Variants in IKZF1 observed in about 807,000 individuals in gnomAD.
IKZF1 encodes the protein DNA-binding protein Ikaros.
In IKZF1, 10 loss-of-function variants were observed where a neutral mutation model predicts 51.7. The observed-to-expected ratio is 0.19, with a 90% confidence interval of 0.12 to 0.33. The LOEUF (loss-of-function observed/expected upper bound fraction) is 0.33. Ranked by LOEUF, IKZF1 falls within the 10% of genes least tolerant of loss-of-function variation. The probability of loss-of-function intolerance (pLI) is 1.00; values close to 1 mark genes in which losing one functional copy is unlikely to be tolerated. For missense variants in IKZF1, 484 were observed against 707.5 expected, an observed-to-expected ratio of 0.68 and a Z score of 3.58; for synonymous variants, 280 against 282.3, an observed-to-expected ratio of 0.99 and a Z score of 0.08.
intron 3 of IKZF1, among the ~76,000 whole-genome samples, chr7:50,370,792 C>A (rs1472722561): frequency 6.6e-6 from 1 of 152,212 alleles, no homozygotes; most frequent in Non-Finnish European, 1.5e-5. Context: ...TATATTTAAT[C>A]AGTTCAATTC....
chr7:50,389,340 C>T (rs1198059404), intron 6 of IKZF1, among the ~76,000 whole-genome samples: 1 of 152,216 alleles, frequency 6.6e-6, no homozygotes, highest in Admixed American at 6.5e-5. Flanking sequence ...TAATTCTTCT[C>T]TATTGGTCTC....
intron 6 of IKZF1, among the ~76,000 whole-genome samples, chr7:50,389,979 T>C (rs1310041372): frequency 1.3e-5 from 2 of 152,218 alleles, no homozygotes; most frequent in Admixed American, 6.5e-5. Flanking sequence ...TTAGGCAATA[T>C]AGGAAAAGAT....
intron 3 of IKZF1, among the ~76,000 whole-genome samples, chr7:50,361,393 G>T (rs1023788122): frequency 6.6e-6 from 1 of 152,172 alleles, no homozygotes; most frequent in Non-Finnish European, 1.5e-5. Flanking sequence ...GAGTAAGCAA[G>T]AAGGTTACAA....
At chr7:50,379,153 C>T (rs557576923) in intron 4 of IKZF1, among the ~76,000 whole-genome samples, 11 of 152,182 alleles carry the variant, frequency 7.2e-5, no homozygotes, top group Non-Finnish European at 1.0e-4. Flanking sequence ...AACAAGCTCC[C>T]AGCTTGTGGA....
chr7:50,365,502 C>T (rs1806626440), intron 3 of IKZF1, among the ~76,000 whole-genome samples: 1 of 152,202 alleles, frequency 6.6e-6, no homozygotes, highest in African/African-American at 2.4e-5. Flanking sequence ...CAAAAGAAGA[C>T]ATACATGTGG....
chr7:50,320,657 G>T (rs549517608), intron 2 of IKZF1, among the ~76,000 whole-genome samples: 1 of 152,230 alleles, frequency 6.6e-6, no homozygotes, highest in South Asian at 2.1e-4. Flanking sequence ...GCATTTGTTA[G>T]TTTCCACATG....
At chr7:50,353,231 C>G (rs573592010) in intron 3 of IKZF1, among the ~76,000 whole-genome samples, 12 of 152,218 alleles carry the variant, frequency 7.9e-5, no homozygotes, top group Non-Finnish European at 1.6e-4. Context: ...ATTTGCAGCT[C>G]CATGTTTCCA....
At chr7:50,358,798 A>G (rs1804307079) in intron 3 of IKZF1, among the ~76,000 whole-genome samples, 1 of 152,192 alleles carries the variant, frequency 6.6e-6, no homozygotes, top group Admixed American at 6.5e-5. Context: ...AAGAAGAAAA[A>G]GAAAAAAAAA....
At chr7:50,352,119 A>G (rs557587998) in intron 3 of IKZF1, among the ~76,000 whole-genome samples, 15 of 152,352 alleles carry the variant, frequency 9.8e-5, no homozygotes, top group Non-Finnish European at 1.5e-4. Context: ...AGTTTCCACA[A>G]CAGTCCAGAT....
At chr7:50,382,918 G>T (rs1812268442) in intron 5 of IKZF1, among the ~76,000 whole-genome samples, 1 of 151,942 alleles carries the variant, frequency 6.6e-6, no homozygotes, top group Non-Finnish European at 1.5e-5. Flanking sequence ...GAGATTGGGC[G>T]CAGGACCCCC....
intron 7 of IKZF1, among the ~76,000 whole-genome samples, chr7:50,392,144 C>T (rs1004147691): frequency 6.6e-6 from 1 of 152,144 alleles, no homozygotes; most frequent in Admixed American, 6.5e-5. Context: ...GCTGCACCAG[C>T]GTGCACAGGG....
chr7:50,352,183 A>G (rs997381350), intron 3 of IKZF1, among the ~76,000 whole-genome samples: 1 of 152,238 alleles, frequency 6.6e-6, no homozygotes, highest in Non-Finnish European at 1.5e-5. Context: ...TTCCCTGGCC[A>G]TAGGTCCTGA....
Position 50,382,701 on chromosome 7 carries a change from C to A in IKZF1, c.583C>A (p.His195Asn). The A allele has an allele frequency of 6.2e-7, 1 of 1,606,954 alleles. No individual in the cohort carries two copies. Among genetic ancestry groups the A allele is most frequent in the Non-Finnish European group, 8.5e-7 (1 of 1,179,380 alleles). The change falls in exon 5 of 8, where the codon CAC becomes AAC. Residue 195 changes from histidine (H) to asparagine (N), a missense_variant. Transcript: ENST00000331340. ...CGCCCTCACTGGCCACCTGAGGACGCACTCCGGTAGGTCCCCTGGATGCAG... is the reference window on the plus strand; with the variant it reads ...CGCCCTCACTGGCCACCTGAGGACGAACTCCGGTAGGTCCCCTGGATGCAG... ...RDALTGHLRT[H>N]SVGKPHKCGY...
intron 5 of IKZF1, among the ~76,000 whole-genome samples, chr7:50,383,666 C>A (rs1812502247): frequency 6.6e-6 from 1 of 152,306 alleles, no homozygotes; most frequent in East Asian, 1.9e-4. Flanking sequence ...CCTCAAGGAG[C>A]TTCCTGCCCC....
chr7:50,321,901 C>T (rs531930884), intron 2 of IKZF1, among the ~76,000 whole-genome samples: 158 of 152,218 alleles, frequency 1.0e-3, no homozygotes, highest in African/African-American at 3.7e-3. Flanking sequence ...CATAAGACTT[C>T]CTGAAAAAGG....
intron 5 of IKZF1, 141 bp from the exon 6 acceptor site, chr7:50,387,204 C>A: frequency 8.1e-7 from 1 of 1,230,762 alleles, no homozygotes; most frequent in Non-Finnish European, 1.1e-6. Flanking sequence ...TCAGGAATTT[C>A]ACCAAGTCCG....
intron 3 of IKZF1, chr7:50,368,233 C>A (rs1471731158): frequency 1.4e-6 from 1 of 703,016 alleles, no homozygotes; most frequent in East Asian, 2.7e-5. Flanking sequence ...CCATAAAGTG[C>A]AAAACGAAGG....
upstream of IKZF1, chr7:50,304,117 A>T (rs1434722354): frequency 2.1e-5 from 3 of 144,780 alleles, no homozygotes; most frequent in African/African-American, 7.5e-5. Flanking sequence ...GCCAGCAGGT[A>T]CGGCCCGCAC....
intron 3 of IKZF1, among the ~76,000 whole-genome samples, chr7:50,351,145 C>A (rs908387301): frequency 1.3e-5 from 2 of 152,162 alleles, no homozygotes; most frequent in Non-Finnish European, 1.5e-5. Flanking sequence ...TTGTTCATTA[C>A]ATGCTCTCTC....
Sources: allele counts gnomAD v4.1 joint callset (sites outside exome capture counted in the v4.1 genomes callset), GRCh38; gene constraint gnomAD v4.1.1; transcripts MANE v1.5; gene names NCBI Gene and HGNC (gene_info 2026-07-23, HGNC 2026-07-21).